SMAP1: variants seen among roughly 807,000 people sequenced by gnomAD.
The protein encoded by SMAP1 is stromal membrane-associated protein 1.
A neutral mutation model predicts 58.5 loss-of-function variants in SMAP1; 24 were observed. The observed-to-expected ratio is 0.41, with a 90% CI of 0.30 to 0.58. The LOEUF (loss-of-function observed/expected upper bound fraction) is 0.58. Among genes scored for constraint, SMAP1 ranks in the 20% least tolerant of loss-of-function variants. SMAP1 has a pLI of 0.29. For synonymous variants in SMAP1, 216 were observed against 196.6 expected (o/e 1.10, Z -0.82); for missense variants, 563 against 566.3 (o/e 0.99, Z 0.06).
intron 1 of SMAP1, among the ~76,000 whole-genome samples, chr6:70,688,594 C>T (rs1016484999): frequency 1.3e-5 from 2 of 152,116 alleles, no homozygotes; most frequent in African/African-American, 4.8e-5. Flanking sequence ...TGTATGTCCT[C>T]TTCAGTGAAA....
intron 1 of SMAP1, among the ~76,000 whole-genome samples, chr6:70,700,241 C>T (rs1283834023): frequency 1.3e-5 from 2 of 152,350 alleles, no homozygotes; most frequent in East Asian, 3.9e-4. Flanking sequence ...CCTGAGGCTT[C>T]CGCAGAAGCC....
chr6:70,741,859 G>A lies in SMAP1; in HGVS notation c.252+9348G>A, dbSNP rs149426418. Among the ~76,000 whole-genome samples, 554 of 152,258 alleles carry A rather than the reference G, an allele frequency of 3.6e-3. 2 individuals carry two copies. Among genetic ancestry groups the A allele is most frequent in the African/African-American group, 0.013 (531 of 41,540 alleles). On this transcript the variant is annotated intron_variant, in intron 2 of 10. Transcript: ENST00000370455. ...TCCCAAAAGTCAATTCTTGACTTCT[G>A]TGCACCTGCAGGCTCAACACCACAG... is the stretch of plus-strand genomic sequence containing the variant.
intron 1 of SMAP1, among the ~76,000 whole-genome samples, chr6:70,689,682 G>A (rs907718503): frequency 2.6e-5 from 4 of 152,108 alleles, no homozygotes; most frequent in African/African-American, 9.7e-5. Flanking sequence ...TTTTAATATA[G>A]AGTCTTCCAA....
At position 70,765,398 on chromosome 6, in the gene SMAP1, C is replaced by A. The variant is rs142964658; in HGVS notation, c.339-7952C>A. On this transcript the variant is annotated intron_variant, in intron 3 of 10. Transcript: ENST00000370455. ...AATATATGACATTTCTAAATAAAGA[C>A]CCATAACATGTCTAATACCAAAGTT... is the stretch of plus-strand genomic sequence containing the variant. Among the ~76,000 whole-genome samples, 804 of 152,152 alleles carry A rather than the reference C, an allele frequency of 5.3e-3. 7 individuals are homozygous for A. The highest frequency in any genetic ancestry group is 0.034 in the Middle Eastern group (10 of 294).
chr6:70,787,086 T>C (rs546844582), intron 4 of SMAP1, among the ~76,000 whole-genome samples: 15 of 152,330 alleles, frequency 9.8e-5, no homozygotes, highest in Admixed American at 4.6e-4. Context: ...AGCATGGTAC[T>C]GGTACCAAAA....
chr6:70,758,399 T>A (rs896516749), intron 3 of SMAP1, among the ~76,000 whole-genome samples: 4 of 143,220 alleles, frequency 2.8e-5, no homozygotes, highest in Non-Finnish European at 6.1e-5. Flanking sequence ...AGGGATAGCA[T>A]TGGGAGATAT....
chr6:70,669,565 C>G (rs1459486178), intron 1 of SMAP1, among the ~76,000 whole-genome samples: 1 of 152,104 alleles, frequency 6.6e-6, no homozygotes, highest in East Asian at 1.9e-4. Context: ...ACTTGTTTTC[C>G]TAGTAACTTG....
chr6:70,829,238 T>A (rs1234811713), intron 6 of SMAP1, among the ~76,000 whole-genome samples: 1 of 152,104 alleles, frequency 6.6e-6, no homozygotes, highest in Non-Finnish European at 1.5e-5. Flanking sequence ...GTGTTTATTT[T>A]TTTTTTCTGT....
intron 6 of SMAP1, among the ~76,000 whole-genome samples, chr6:70,819,739 A>G (rs1769803518): frequency 6.6e-6 from 1 of 152,212 alleles, no homozygotes; most frequent in Non-Finnish European, 1.5e-5. Context: ...TCGCATAAGA[A>G]CAGTGTTATT....
intron 4 of SMAP1, among the ~76,000 whole-genome samples, chr6:70,776,203 A>C (rs2149918470): frequency 6.6e-6 from 1 of 151,908 alleles, no homozygotes; most frequent in Non-Finnish European, 1.5e-5. Context: ...TTTTTTTTTG[A>C]GACAGAGTCT....
chr6:70,792,170 A>T (rs560799780), intron 5 of SMAP1, among the ~76,000 whole-genome samples: 1 of 152,306 alleles, frequency 6.6e-6, no homozygotes, highest in Admixed American at 6.5e-5. Context: ...TACAGATAAA[A>T]CGTGTATTAT....
At chr6:70,805,865 T>A (rs1011870667) in intron 6 of SMAP1, among the ~76,000 whole-genome samples, 1 of 152,132 alleles carries the variant, frequency 6.6e-6, no homozygotes, top group South Asian at 2.1e-4. Context: ...CTGCCTGATC[T>A]TTCCTCTGGA....
intron 1 of SMAP1, among the ~76,000 whole-genome samples, chr6:70,685,348 C>A (rs1766894144): frequency 6.6e-6 from 1 of 150,536 alleles, no homozygotes; most frequent in Non-Finnish European, 1.5e-5. Context: ...GAGAGATACA[C>A]AGCAGAAACC....
chr6:70,715,103 C>CTT (rs34027498), intron 1 of SMAP1, among the ~76,000 whole-genome samples: 2 of 108,880 alleles, frequency 1.8e-5, no homozygotes, highest in African/African-American at 3.7e-5. Flanking sequence ...TTTTTTTTTC[C>CTT]TTTTTTTTTT....
intron 1 of SMAP1, among the ~76,000 whole-genome samples, chr6:70,697,394 C>T (rs1357482423): frequency 6.6e-6 from 1 of 151,948 alleles, no homozygotes; most frequent in East Asian, 1.9e-4. Context: ...CAACCTCCGC[C>T]TCCTAGGTTC....
At position 70,789,434 on chromosome 6, in the gene SMAP1, C is replaced by T. The variant is rs369697537; in HGVS notation, c.415-2255C>T. 1.3e-3 allele frequency among the ~76,000 whole-genome samples: 63 copies of T among 49,074 alleles called. 1 individual carries two copies. The highest frequency in any genetic ancestry group is 2.5e-3 in the Non-Finnish European group (46 of 18,328). The allele number at this position is 49,074 out of a possible 152,430, so 32.2% of individuals were successfully genotyped here. The stretch of plus-strand genomic sequence containing the variant: ...AGAGTTTTATGTGAGTGGTTTCATA[C>T]ACACTGTGTACCCTTTTGCGTCTTT... On this transcript the variant is annotated intron_variant, in intron 4 of 10. Transcript: ENST00000370455.
At chr6:70,684,659 AAAGAACTTTCTAAGT>A (rs1447847099) in intron 1 of SMAP1, among the ~76,000 whole-genome samples, 3 of 152,022 alleles carry the variant, frequency 2.0e-5, no homozygotes, top group Non-Finnish European at 4.4e-5. Flanking sequence ...TTAGTTCCTT[AAAGAACTTTCTAAGT>A]TTTTCAGTGT....
In SMAP1 at chr6:70,807,920, C is replaced by T. The variant is rs374772714; in HGVS notation, c.576+9183C>T. Among the ~76,000 whole-genome samples the T allele has an allele frequency of 3.3e-5, 5 of 151,656 alleles. No homozygotes were observed. In the East Asian group the frequency reaches 9.7e-4, roughly 29 times the overall value. On this transcript the variant is annotated intron_variant, in intron 6 of 10. Coordinates refer to ENST00000370455, the MANE Select transcript of SMAP1 (RefSeq NM_001044305.3). ...TGTTGATTGGAAGCCTTACAAATAA[C>T]ATAAATAGTCAATACATATTTTGTA...
intron 5 of SMAP1, among the ~76,000 whole-genome samples, chr6:70,797,091 T>C (rs537341379): frequency 1.4e-3 from 216 of 152,296 alleles, no homozygotes; most frequent in Non-Finnish European, 2.6e-3. Flanking sequence ...GCTTTAGAAT[T>C]TCCCTGTTCT....
Sources: allele counts gnomAD v4.1 joint callset (sites outside exome capture counted in the v4.1 genomes callset), GRCh38; gene constraint gnomAD v4.1.1; transcripts MANE v1.5; gene names NCBI Gene and HGNC (gene_info 2026-07-23, HGNC 2026-07-21).